AFG2A: variants seen among roughly 807,000 people sequenced by gnomAD.
The protein encoded by AFG2A is ATPase family gene 2 protein homolog A.
chr4:123,084,262 G>A, the AFG2A span, among the ~76,000 whole-genome samples: 1 of 151,628 alleles, frequency 6.6e-6, no homozygotes, highest in Non-Finnish European at 1.5e-5. Context: ...CCAACTTTTA[G>A]TTTCATTGTT....
the AFG2A span, among the ~76,000 whole-genome samples, chr4:123,179,644 G>C: frequency 6.6e-6 from 1 of 152,168 alleles, no homozygotes; most frequent in African/African-American, 2.4e-5. Flanking sequence ...GATTACAGGC[G>C]TGAGCCACTG....
At chr4:123,132,048 C>T in the AFG2A span, among the ~76,000 whole-genome samples, 8 of 152,122 alleles carry the variant, frequency 5.3e-5, no homozygotes, top group South Asian at 2.1e-4. Context: ...TCTGTACTTC[C>T]CTAATGATTA....
chr4:123,142,038 CT>C, the AFG2A span, among the ~76,000 whole-genome samples: 1 of 152,114 alleles, frequency 6.6e-6, no homozygotes, highest in Admixed American at 6.6e-5. Flanking sequence ...TGTTTTCCTC[CT>C]TTCTTTAATG....
the AFG2A span, among the ~76,000 whole-genome samples, chr4:123,146,566 T>G: frequency 2.0e-5 from 3 of 152,236 alleles, no homozygotes. Flanking sequence ...GTTATGAAAC[T>G]CAAAATTAAG....
the AFG2A span, among the ~76,000 whole-genome samples, chr4:123,213,190 G>T: frequency 6.6e-6 from 1 of 152,070 alleles, no homozygotes; most frequent in Non-Finnish European, 1.5e-5. Context: ...TTGAAGTTTT[G>T]ATACCATTTC....
the AFG2A span, among the ~76,000 whole-genome samples, chr4:123,188,439 T>G: frequency 6.6e-6 from 1 of 152,164 alleles, no homozygotes. Context: ...ATTTCTGCAG[T>G]GTACCCTAAA....
At chr4:123,117,327 CAT>C in the AFG2A span, among the ~76,000 whole-genome samples, 2 of 151,512 alleles carry the variant, frequency 1.3e-5, no homozygotes, top group Admixed American at 6.6e-5. Flanking sequence ...TGTAACCACA[CAT>C]GTGTAAACAC....
chr4:123,223,138 AT>A, the AFG2A span, among the ~76,000 whole-genome samples: 5 of 152,134 alleles, frequency 3.3e-5, no homozygotes, highest in Non-Finnish European at 7.4e-5. Context: ...CAGGTGCATC[AT>A]TTTGCAGTCT....
chr4:122,970,913 A>C, the AFG2A span, among the ~76,000 whole-genome samples: 1 of 152,090 alleles, frequency 6.6e-6, no homozygotes, highest in Non-Finnish European at 1.5e-5. Flanking sequence ...AGCTCACTGC[A>C]ACCTCTGCCT....
At chr4:123,189,026 G>A in the AFG2A span, among the ~76,000 whole-genome samples, 1 of 152,152 alleles carries the variant, frequency 6.6e-6, no homozygotes, top group South Asian at 2.1e-4. Context: ...AGAGGGTCTG[G>A]CCTTGACATT....
chr4:123,227,814 T>G, the AFG2A span, among the ~76,000 whole-genome samples: 3 of 152,164 alleles, frequency 2.0e-5, no homozygotes, highest in South Asian at 2.1e-4. Flanking sequence ...AGTGGGGTGT[T>G]AAAGTCTCCC....
chr4:123,132,098 C>T, the AFG2A span, among the ~76,000 whole-genome samples: 1 of 151,796 alleles, frequency 6.6e-6, no homozygotes, highest in Non-Finnish European at 1.5e-5. Flanking sequence ...TTGGCCTTTT[C>T]CCCCCCAGAT....
chr4:123,219,060 C>G, the AFG2A span, among the ~76,000 whole-genome samples: 4 of 152,190 alleles, frequency 2.6e-5, no homozygotes, highest in African/African-American at 9.7e-5. Flanking sequence ...AGGCTATCTA[C>G]AAGCTGGGGG....
At chr4:122,938,513 G>A in the AFG2A span, among the ~76,000 whole-genome samples, 2 of 152,180 alleles carry the variant, frequency 1.3e-5, no homozygotes, top group Non-Finnish European at 2.9e-5. Context: ...GATAAATGCT[G>A]TTAGCTTTAA....
At chr4:122,934,269 C>G in the AFG2A span, 17 of 1,614,138 alleles carry the variant, frequency 1.1e-5, no homozygotes, top group Non-Finnish European at 1.4e-5. Context: ...GCATGGAAAC[C>G]AGTAGCCTGG....
chr4:123,273,695 G>A, the AFG2A span, among the ~76,000 whole-genome samples: 5 of 152,222 alleles, frequency 3.3e-5, no homozygotes, highest in Middle Eastern at 3.4e-3. Flanking sequence ...GTGATGGGCT[G>A]CAGTAAAACA....
At chr4:123,142,026 G>C in the AFG2A span, among the ~76,000 whole-genome samples, 2 of 152,072 alleles carry the variant, frequency 1.3e-5, no homozygotes, top group Admixed American at 1.3e-4. Flanking sequence ...AAAACTCCTT[G>C]ATGTTTTCCT....
At chr4:123,002,800 G>A in the AFG2A span, among the ~76,000 whole-genome samples, 3,261 of 152,126 alleles carry the variant, frequency 0.021, 62 homozygotes, top group Non-Finnish European at 0.035. Context: ...TGCTCTTCTC[G>A]AGGAGTATCT....
chr4:122,952,561 G>A, the AFG2A span, among the ~76,000 whole-genome samples: 215 of 152,332 alleles, frequency 1.4e-3, no homozygotes, highest in Middle Eastern at 0.014. Flanking sequence ...GTATTTGGCT[G>A]ATAAGCCTGG....
Sources: gnomAD v4.1 joint callset for allele counts (sites outside exome capture counted in the v4.1 genomes callset) on GRCh38, gnomAD v4.1.1 for gene constraint, MANE v1.5 for transcripts, NCBI Gene and HGNC (gene_info 2026-07-23, HGNC 2026-07-21) for gene names.